ZHX1: variants seen among roughly 807,000 people sequenced by gnomAD.
ZHX1 encodes the protein zinc fingers and homeoboxes protein 1.
In ZHX1, 20 loss-of-function variants were observed where a neutral mutation model predicts 61.8. The ratio of observed to expected loss-of-function variants is 0.32; its 90% confidence interval spans 0.23 to 0.47. ZHX1 has a LOEUF of 0.47. ZHX1 is among the 20% of genes least tolerant of loss of function. The probability of loss-of-function intolerance (pLI) is 1.00; values close to 1 mark genes in which losing one functional copy is unlikely to be tolerated. For missense variants in ZHX1, 800 were observed against 1,034.8 expected (o/e 0.77, Z 3.11); for synonymous variants, 318 against 352.6 (o/e 0.90, Z 1.10).
At chr8:123,251,291 G>A (rs993121865) in intron 3 of ZHX1, among the ~76,000 whole-genome samples, 1 of 152,102 alleles carries the variant, frequency 6.6e-6, no homozygotes, top group Non-Finnish European at 1.5e-5. Context: ...TTGTTAAGCC[G>A]GCAAAACTGT....
Position 123,255,197 on chromosome 8 carries a change from T to C in ZHX1, c.750A>G (p.Val250=). The change falls in exon 3 of 4, where the codon GTA becomes GTG. Residue 250 remains valine (V), a synonymous_variant. Coordinates refer to ENST00000395571, the MANE Select transcript of ZHX1 (RefSeq NM_007222.5). ...CAGGAAGAACTGCTGCTGGTGTCAC[T>C]ACCGTGCTGGCAGTACTTGGATGTA... ...NRIHPSTAST[V]VTPAAVLPGL... 1 of 1,614,178 alleles carries C rather than the reference T, an allele frequency of 6.2e-7. No homozygotes were observed. Among genetic ancestry groups the C allele is most frequent in the East Asian group, 2.2e-5 (1 of 44,884 alleles).
In ZHX1 at chr8:123,254,610, G is replaced by A. The variant is rs763345856; in HGVS notation, c.1337C>T (p.Ala446Val). ...PTAETKPATA[A>V]VPTSQSVKHE... is the part of the protein sequence containing the mutation. ...TTTGACACTTTGAGAAGTTGGAACT[G>A]CTGCTGTTGCTGGCTTTGTTTCTGC... Residue 446 changes from alanine (A) to valine (V), a missense_variant, in exon 3 of 4, where the codon GCA becomes GTA. Coordinates refer to ENST00000395571, the MANE Select transcript of ZHX1 (RefSeq NM_007222.5). The surrounding 1 kb of genome is among the most constrained non-coding windows in gnomAD (Gnocchi z 4.1). 6.2e-7 allele frequency: 1 copy of A among 1,614,158 alleles called. No homozygotes were observed. Among genetic ancestry groups the A allele is most frequent in the Non-Finnish European group, 8.5e-7 (1 of 1,180,018 alleles).
In ZHX1 at chr8:123,248,770, T is replaced by C. The variant is rs2131179322; in HGVS notation, c.*1554A>G. The C allele has an allele frequency of 6.6e-6, 1 of 152,582 alleles. No homozygotes were observed. Among genetic ancestry groups the C allele is most frequent in the Non-Finnish European group, 1.5e-5 (1 of 67,986 alleles). 9.5% of individuals were successfully genotyped at this position (152,582 alleles called of 1,614,324 possible). A position where few individuals can be genotyped will look rare whatever the true frequency, so the allele number is the denominator to read the frequency against. On this transcript the variant is annotated 3_prime_UTR_variant, in exon 4 of 4. Coordinates refer to ENST00000395571, the MANE Select transcript of ZHX1 (RefSeq NM_007222.5). ...TTTATAAAAGGGAGCAATTTAATCATTATATTACAGAGTGCTTTAAGAAGT... is the reference window on the plus strand; with the variant it reads ...TTTATAAAAGGGAGCAATTTAATCACTATATTACAGAGTGCTTTAAGAAGT...
chr8:123,253,963 C>A lies in ZHX1; in HGVS notation c.1984G>T (p.Gly662Cys). The A allele has an allele frequency of 6.2e-7, 1 of 1,614,184 alleles. No homozygotes were observed. Among genetic ancestry groups the A allele is most frequent in the Non-Finnish European group, 8.5e-7 (1 of 1,180,022 alleles). The change falls in exon 3 of 4, where the codon GGC becomes TGC. Residue 662 changes from glycine to cysteine, a missense_variant. Gly to Cys is a radical substitution (Grantham distance 159). Coordinates refer to ENST00000395571, the MANE Select transcript of ZHX1 (RefSeq NM_007222.5). ...ESGAPKSGST[G>C]KICKKTPEQL... Reference sequence around the variant, plus strand: ...TCAGGTGTTTTTTTACATATCTTGCCTGTACTCCCTGACTTAGGTGCACCA... The same window carrying A: ...TCAGGTGTTTTTTTACATATCTTGCATGTACTCCCTGACTTAGGTGCACCA...
intron 1 of ZHX1, among the ~76,000 whole-genome samples, chr8:123,270,069 T>C (rs1043566429): frequency 1.7e-4 from 26 of 152,324 alleles, no homozygotes; most frequent in African/African-American, 5.8e-4. Flanking sequence ...ACATCTGATA[T>C]AAGTAATTTT....
intron 3 of ZHX1, 31 bp downstream of exon 3, chr8:123,253,291 T>C (rs773414727): frequency 8.5e-6 from 13 of 1,522,940 alleles, no homozygotes; most frequent in Admixed American, 1.9e-5. Context: ...TTGATGAACA[T>C]ATACGCAGAT....
upstream of ZHX1, among the ~76,000 whole-genome samples, chr8:123,275,079 G>A (rs936488671): frequency 1.3e-5 from 2 of 152,186 alleles, no homozygotes; most frequent in Non-Finnish European, 2.9e-5. Flanking sequence ...AGAACCGCCG[G>A]GCAAGGCGGA....
Position 123,255,770 on chromosome 8 carries a change from G to T in ZHX1, c.177C>A (p.Asp59Glu). 6.2e-7 allele frequency: 1 copy of T among 1,613,956 alleles called. No individual in the cohort carries two copies. The highest frequency in any genetic ancestry group is 1.7e-5 in the Admixed American group (1 of 60,008). The change falls in exon 3 of 4, where the codon GAC becomes GAA. Residue 59 changes from aspartate (D) to glutamate (E), a missense_variant. Asp to Glu is a conservative substitution (Grantham distance 45). Coordinates refer to ENST00000395571, the MANE Select transcript of ZHX1 (RefSeq NM_007222.5). ...CTTCAACTTTTTTATTTTGCTGATT[G>T]TCTGAATCCACAGATTCATGAACCT... ...DEEVHESVDS[D>E]NQQNKKVEGG...
chr8:123,274,822 G>A (rs971653280), upstream of ZHX1, among the ~76,000 whole-genome samples: 2 of 152,130 alleles, frequency 1.3e-5, no homozygotes, highest in African/African-American at 2.4e-5. Flanking sequence ...CTGCTGGATC[G>A]TGAGAGGTAA....
At position 123,255,441 on chromosome 8, in the gene ZHX1, G is replaced by A. The variant is rs1050241621; in HGVS notation, c.506C>T (p.Thr169Ile). The change falls in exon 3 of 4, where the codon ACA (threonine) becomes ATA (isoleucine). Residue 169 changes from threonine to isoleucine, a missense_variant. Transcript: ENST00000395571. ...KEENAEQAES[T>I]EVSSSGISIS... ...AGATATTCCCGAAGAAGAAACTTCT[G>A]TAGATTCTGCTTGCTCTGCATTCTC... is the stretch of plus-strand genomic sequence containing the variant. 1 of 1,613,236 alleles carries A rather than the reference G, an allele frequency of 6.2e-7. No individual in the cohort carries two copies. Among genetic ancestry groups the A allele is most frequent in the Non-Finnish European group, 8.5e-7 (1 of 1,179,996 alleles).
At chr8:123,268,206 T>G (rs1053511875) in intron 1 of ZHX1, among the ~76,000 whole-genome samples, 1 of 152,192 alleles carries the variant, frequency 6.6e-6, no homozygotes, top group Non-Finnish European at 1.5e-5. Flanking sequence ...TAGTAGTACT[T>G]GATCTACAAA....
intron 3 of ZHX1, chr8:123,252,828 T>C (rs1825956625): frequency 6.6e-6 from 1 of 152,338 alleles, no homozygotes; most frequent in Non-Finnish European, 1.5e-5. Context: ...AAGATACCCA[T>C]TTTCACCTAG....
At chr8:123,265,738 T>TA (rs1288151547) in intron 2 of ZHX1, among the ~76,000 whole-genome samples, 9 of 152,052 alleles carry the variant, frequency 5.9e-5, no homozygotes, top group Non-Finnish European at 1.3e-4. Flanking sequence ...AAGAAAACTG[T>TA]AAAAAATAGT....
chr8:123,272,303 T>A (rs535955635), intron 1 of ZHX1, among the ~76,000 whole-genome samples: 1 of 152,346 alleles, frequency 6.6e-6, no homozygotes, highest in Non-Finnish European at 1.5e-5. Flanking sequence ...ACTGAAATGC[T>A]ATCATTTTAT....
chr8:123,257,471 C>G (rs1826107019), intron 2 of ZHX1, among the ~76,000 whole-genome samples: 2 of 152,302 alleles, frequency 1.3e-5, no homozygotes, highest in South Asian at 4.1e-4. Context: ...CTTACTCAGG[C>G]CCTTCCTTAG....
At chr8:123,269,471 T>C (rs1404946958) in intron 1 of ZHX1, among the ~76,000 whole-genome samples, 1 of 152,162 alleles carries the variant, frequency 6.6e-6, no homozygotes, top group Non-Finnish European at 1.5e-5. Context: ...ATGAGTGAAT[T>C]CCAAAAATTA....
At position 123,253,609 on chromosome 8, in the gene ZHX1, T is replaced by C; in HGVS notation, c.2338A>G (p.Thr780Ala). The change falls in exon 3 of 4, where the codon ACT becomes GCT. Residue 780 changes from threonine (T) to alanine (A), a missense_variant. Thr to Ala is a moderately conservative substitution (Grantham distance 58). Transcript: ENST00000395571. Reference sequence around the variant, plus strand: ...TAATCCTTAAGTATTGCAGTTCCAGTTTTAAATTTTATGAGTGATGGTCCC... The same window carrying C: ...TAATCCTTAAGTATTGCAGTTCCAGCTTTAAATTTTATGAGTGATGGTCCC... ...DRGPSLIKFKTGTAILKDYYL... is the reference protein window; with the variant it reads ...DRGPSLIKFKAGTAILKDYYL... The C allele has an allele frequency of 6.2e-7, 1 of 1,614,180 alleles. No homozygotes were observed. The highest frequency in any genetic ancestry group is 8.5e-7 in the Non-Finnish European group (1 of 1,180,020).
Position 123,253,466 on chromosome 8 carries a change from T to A in ZHX1, c.2481A>T (p.Leu827Phe), listed in dbSNP as rs1463134569. The change falls in exon 3 of 4, where the codon TTA (leucine) becomes TTT (phenylalanine). Residue 827 changes from leucine (L) to phenylalanine (F), a missense_variant. By Grantham distance (22) the Leu-to-Phe change is conservative. Transcript: ENST00000395571. Reference sequence around the variant, plus strand: ...CATTTTCCTCAAATAATTCTATACCTAATTCTGATCTTCTCTGTCTTTCTG... The same window carrying A: ...CATTTTCCTCAAATAATTCTATACCAAATTCTGATCTTCTCTGTCTTTCTG... Reference protein sequence around the residue: ...WFAERQRRSELGIELFEENEE... With the variant: ...WFAERQRRSEFGIELFEENEE... 1 of 1,614,062 alleles carries A rather than the reference T, an allele frequency of 6.2e-7. No homozygotes were observed. The highest frequency in any genetic ancestry group is 8.5e-7 in the Non-Finnish European group (1 of 1,180,026).
intron 1 of ZHX1, among the ~76,000 whole-genome samples, chr8:123,271,801 C>T (rs1221533346): frequency 2.0e-5 from 3 of 152,176 alleles, no homozygotes; most frequent in East Asian, 3.9e-4. Context: ...AAAGAACTTA[C>T]AATTATCATT....
Sources: allele counts gnomAD v4.1 joint callset (sites outside exome capture counted in the v4.1 genomes callset), GRCh38; gene constraint gnomAD v4.1.1; non-coding constraint Gnocchi (gnomAD v3.1); transcripts MANE v1.5; gene names NCBI Gene and HGNC (gene_info 2026-07-23, HGNC 2026-07-21).